The following STAG1 variants were observed in gnomAD, a reference collection of about 807,000 sequenced individuals.
STAG1 encodes cohesin subunit SA-1.
Under a neutral mutation model 170.9 loss-of-function variants are expected in STAG1, and 26 were observed. The observed-to-expected ratio is 0.15, with a 90% CI of 0.11 to 0.21. The LOEUF is 0.21. Ranked by LOEUF, STAG1 falls within the 10% of genes least tolerant of loss-of-function variation. The pLI is 1.00. For missense variants in STAG1, 964 were observed against 1,509.5 expected (o/e 0.64, Z 5.99); for synonymous variants, 514 against 497.7 (o/e 1.03, Z -0.44).
At chr3:136,490,261 G>A (rs1419769902) in intron 9 of STAG1, among the ~76,000 whole-genome samples, 1 of 151,848 alleles carries the variant, frequency 6.6e-6, no homozygotes, top group Non-Finnish European at 1.5e-5. Context: ...GGCTGGTCTC[G>A]AACTCCTGAC....
At chr3:136,629,278 G>A (rs974890813) in intron 2 of STAG1, among the ~76,000 whole-genome samples, 3 of 152,158 alleles carry the variant, frequency 2.0e-5, no homozygotes, top group African/African-American at 7.2e-5. Context: ...ATGCAGTTTA[G>A]GAGATGGGTC....
intron 1 of STAG1, among the ~76,000 whole-genome samples, chr3:136,718,666 T>G (rs997596549): frequency 6.6e-6 from 1 of 152,222 alleles, no homozygotes; most frequent in African/African-American, 2.4e-5. Flanking sequence ...GGCTCATGCC[T>G]GTAATCCCAG....
chr3:136,662,179 T>C (rs1048730204), intron 1 of STAG1, among the ~76,000 whole-genome samples: 8 of 146,960 alleles, frequency 5.4e-5, no homozygotes, highest in African/African-American at 2.0e-4. Flanking sequence ...GGAGATGGAG[T>C]CTTGCTCTTT....
At chr3:136,370,686 G>A (rs1399364666) in intron 23 of STAG1, among the ~76,000 whole-genome samples, 1 of 152,186 alleles carries the variant, frequency 6.6e-6, no homozygotes, top group African/African-American at 2.4e-5. Flanking sequence ...CAAAGGACAT[G>A]AACTCATCAT....
intron 9 of STAG1, among the ~76,000 whole-genome samples, chr3:136,478,971 G>C (rs889026090): frequency 1.3e-5 from 2 of 150,404 alleles, no homozygotes; most frequent in African/African-American, 4.9e-5. Flanking sequence ...GTTACTATGA[G>C]AATAAAATCA....
intron 5 of STAG1, among the ~76,000 whole-genome samples, chr3:136,566,581 A>G (rs1937083377): frequency 6.6e-6 from 1 of 152,236 alleles, no homozygotes; most frequent in Admixed American, 6.5e-5. Context: ...AGACTGAAAT[A>G]TTATCTTCAA....
At chr3:136,573,392 C>T (rs759107876) in intron 4 of STAG1, among the ~76,000 whole-genome samples, 1 of 151,836 alleles carries the variant, frequency 6.6e-6, no homozygotes, top group South Asian at 2.1e-4. Context: ...TCAAATTGTG[C>T]TGAAAATTTT....
chr3:136,462,798 A>G (rs2089311345), intron 13 of STAG1, among the ~76,000 whole-genome samples: 1 of 152,202 alleles, frequency 6.6e-6, no homozygotes, highest in African/African-American at 2.4e-5. Flanking sequence ...TGCATTTATC[A>G]ATTTTTAAAA....
chr3:136,606,014 T>G (rs555587810), intron 3 of STAG1, among the ~76,000 whole-genome samples: 1 of 152,304 alleles, frequency 6.6e-6, no homozygotes, highest in South Asian at 2.1e-4. Context: ...CATTGCTTAA[T>G]TTTTAAATAA....
intron 6 of STAG1, among the ~76,000 whole-genome samples, chr3:136,538,120 G>T (rs865779875): frequency 1.3e-5 from 2 of 152,142 alleles, no homozygotes; most frequent in Non-Finnish European, 2.9e-5. Flanking sequence ...GAAAACCACT[G>T]TGTGATCACA....
intron 7 of STAG1, among the ~76,000 whole-genome samples, chr3:136,510,973 T>C (rs1489346495): frequency 6.6e-6 from 1 of 152,096 alleles, no homozygotes; most frequent in Non-Finnish European, 1.5e-5. Flanking sequence ...GGTTTCACCA[T>C]GTTGGCCAGG....
Position 136,636,315 on chromosome 3 carries a change from G to A in STAG1, c.-83-5334C>T, listed in dbSNP as rs538808473. Among the ~76,000 whole-genome samples, 4 of 152,106 alleles carry A rather than the reference G, an allele frequency of 2.6e-5. No individual in the cohort carries two copies. In the East Asian group the frequency reaches 7.7e-4, roughly 29 times the overall value. On this transcript the variant is annotated intron_variant, in intron 1 of 33. Transcript: ENST00000383202. ...CACACACAGACATACAACGCAGGTG[G>A]TGGTAGTGGGGTGCCACATGATTTG... is the stretch of plus-strand genomic sequence containing the variant.
rs1463932277 is a variant in STAG1 at position 136,338,527 on chromosome 3, C to A, written c.3673-77G>T. 6.6e-6 allele frequency: 7 copies of A among 1,057,558 alleles called. No homozygotes were observed. The East Asian group carries it at 9.7e-5, about 15-fold the overall frequency. The allele number at this position is 1,057,558 out of a possible 1,614,324, so 65.5% of individuals were successfully genotyped here. On this transcript the variant is annotated intron_variant, in intron 32 of 33. Coordinates refer to ENST00000383202, the MANE Select transcript of STAG1 (RefSeq NM_005862.3). ...GAATTGTGATAATCAGCTAATATTTCTGACAGTATCATAAATATATGGAAC... is the reference window on the plus strand; with the variant it reads ...GAATTGTGATAATCAGCTAATATTTATGACAGTATCATAAATATATGGAAC...
intron 29 of STAG1, among the ~76,000 whole-genome samples, chr3:136,347,395 CAAA>C (rs34533734): frequency 1.3e-4 from 10 of 78,710 alleles, no homozygotes; most frequent in Admixed American, 8.8e-4. Context: ...GATCCTGTCT[CAAA>C]AAAAAAAAAA....
chr3:136,655,742 T>C (rs533252389), intron 1 of STAG1, among the ~76,000 whole-genome samples: 3 of 151,356 alleles, frequency 2.0e-5, no homozygotes, highest in African/African-American at 7.3e-5. Flanking sequence ...CCAGCCTGGG[T>C]GGCAGGGTAA....
rs976518866 is a variant in STAG1, at chr3:136,336,323, A to G, written c.*1931T>C. On this transcript the variant is annotated 3_prime_UTR_variant, in exon 34 of 34. Coordinates refer to ENST00000383202, the MANE Select transcript of STAG1 (RefSeq NM_005862.3). ...AAAAACCTCATATTGCAAATGTACA[A>G]TTTACAGAATTACTAGCAAAACCAA... The G allele has an allele frequency of 6.6e-6, 1 of 152,246 alleles. No individual in the cohort carries two copies. The highest frequency in any genetic ancestry group is 2.1e-4 in the South Asian group (1 of 4,834). 9.4% of individuals were successfully genotyped at this position (152,246 alleles called of 1,614,324 possible).
chr3:136,476,425 A>G (rs2089751378), intron 10 of STAG1, among the ~76,000 whole-genome samples: 1 of 152,212 alleles, frequency 6.6e-6, no homozygotes. Context: ...AGGGCAACCC[A>G]TAGGGATTTA....
rs564647677 is a variant in STAG1 at position 136,614,848 on chromosome 3, A to G, written c.132+8298T>C. On this transcript the variant is annotated intron_variant, in intron 3 of 33. Coordinates refer to ENST00000383202, the MANE Select transcript of STAG1 (RefSeq NM_005862.3). ...GCCTTATCTGGCATAATGAGCTGTGAATGTGAAATAATCCACACCGTATCA... is the reference window on the plus strand; with the variant it reads ...GCCTTATCTGGCATAATGAGCTGTGGATGTGAAATAATCCACACCGTATCA... Among the ~76,000 whole-genome samples, 3 of 152,214 alleles carry G rather than the reference A, an allele frequency of 2.0e-5. No homozygotes were observed. In the East Asian group the frequency reaches 5.8e-4, roughly 29 times the overall value.
intron 16 of STAG1, among the ~76,000 whole-genome samples, chr3:136,425,855 C>CAA (rs2088105594): frequency 6.6e-6 from 1 of 151,464 alleles, no homozygotes; most frequent in East Asian, 1.9e-4. Flanking sequence ...TATCACTAGT[C>CAA]AAAGTTGGGA....
Sources: gnomAD v4.1 joint callset for allele counts (sites outside exome capture counted in the v4.1 genomes callset) on GRCh38, gnomAD v4.1.1 for gene constraint, MANE v1.5 for transcripts, NCBI Gene and HGNC (gene_info 2026-07-23, HGNC 2026-07-21) for gene names.